Variants in GRK4 observed in about 807,000 individuals in gnomAD.
GRK4 encodes G protein-coupled receptor kinase 4.
GRK4 carries 73 observed loss-of-function variants against 77.9 expected under a neutral mutation model. That is an observed-to-expected ratio of 0.94 (90% confidence interval 0.78 to 1.14). GRK4 has a LOEUF of 1.14. Among genes scored for constraint, GRK4 ranks in the 50% most tolerant of loss-of-function variants. The pLI is 0.00. For missense variants in GRK4, 729 were observed against 700.2 expected, an observed-to-expected ratio of 1.04 and a Z score of -0.46; for synonymous variants, 257 against 254.4, an observed-to-expected ratio of 1.01 and a Z score of -0.10.
intron 3 of GRK4, among the ~76,000 whole-genome samples, chr4:2,990,917 G>A (rs1387852635): frequency 1.3e-5 from 2 of 152,150 alleles, no homozygotes; most frequent in Non-Finnish European, 2.9e-5. Context: ...CTCGTGATAG[G>A]TGATGACAGG....
intron 10 of GRK4, among the ~76,000 whole-genome samples, chr4:3,026,884 G>T (rs746202578): frequency 7.5e-4 from 114 of 152,296 alleles, no homozygotes; most frequent in Non-Finnish European, 1.4e-3. Flanking sequence ...AACATTTATT[G>T]GTTATTCATT....
intron 1 of GRK4, among the ~76,000 whole-genome samples, chr4:2,978,219 A>G (rs899453818): frequency 1.3e-5 from 2 of 152,268 alleles, no homozygotes; most frequent in Non-Finnish European, 2.9e-5. Context: ...TACTTTATGT[A>G]GAAGGTTCTT....
rs1478219385 is a variant in GRK4 at position 3,019,529 on chromosome 4, A to G, written c.742-112A>G. 5.5e-6 allele frequency: 5 copies of G among 911,900 alleles called. No homozygotes were observed. The South Asian group carries it at 6.5e-5, about 12-fold the overall frequency. The allele number at this position is 911,900 out of a possible 1,614,324, so 56.5% of individuals were successfully genotyped here. A position where few individuals can be genotyped will look rare whatever the true frequency, so the allele number is the denominator to read the frequency against. On this transcript the variant is annotated intron_variant, in intron 8 of 15. Coordinates refer to ENST00000398052, the MANE Select transcript of GRK4 (RefSeq NM_182982.3). ...TTTCTCTGAAACATATAGTATTCAC[A>G]TGTTCTGATTGTAAACCTAACACAG...
chr4:2,988,928 T>C (rs1262792099), intron 3 of GRK4, 89 bp downstream of exon 3: 1 of 792,738 alleles, frequency 1.3e-6, no homozygotes, highest in South Asian at 1.4e-5. Context: ...GCTCATGCTG[T>C]AATCCCAGCA....
At chr4:2,973,905 C>A (rs531059183) in intron 1 of GRK4, among the ~76,000 whole-genome samples, 2 of 152,224 alleles carry the variant, frequency 1.3e-5, no homozygotes, top group African/African-American at 4.8e-5. Context: ...CAACCTCATC[C>A]GCCCTCTCTC....
At chr4:3,008,977 C>T (rs909532638) in intron 6 of GRK4, among the ~76,000 whole-genome samples, 15 of 152,036 alleles carry the variant, frequency 9.9e-5, no homozygotes, top group African/African-American at 3.4e-4. Flanking sequence ...ATCTTCTTCA[C>T]CTGCTTTCTG....
chr4:3,019,704 G>A lies in GRK4; in HGVS notation c.805G>A (p.Gly269Arg). ...ALCLVLTIMN[G>R]GDLKFHIYNL... is the part of the protein sequence containing the mutation. The stretch of plus-strand genomic sequence containing the variant: ...GTGCTTGGTGCTCACCATTATGAAT[G>A]GAGGGGATTTGAAGTTTCACATTTA... Residue 269 changes from glycine (G) to arginine (R), a missense_variant, in exon 9 of 16, where the codon GGA (glycine) becomes AGA (arginine). Transcript: ENST00000398052. 2 of 1,614,228 alleles carry A rather than the reference G, an allele frequency of 1.2e-6. No individual in the cohort carries two copies. The highest frequency in any genetic ancestry group is 1.7e-6 in the Non-Finnish European group (2 of 1,180,038).
intron 1 of GRK4, among the ~76,000 whole-genome samples, chr4:2,976,306 A>G (rs917554150): frequency 1.3e-5 from 2 of 149,810 alleles, no homozygotes; most frequent in Non-Finnish European, 3.0e-5. Context: ...GTCATGGCTC[A>G]CTGCAGCCTT....
intron 1 of GRK4, among the ~76,000 whole-genome samples, chr4:2,964,444 C>T (rs773919564): frequency 6.6e-6 from 1 of 152,106 alleles, no homozygotes; most frequent in African/African-American, 2.4e-5. Flanking sequence ...CTTCAGGATG[C>T]GGCAGGCAGT....
chr4:3,030,359 C>T (rs1415465012), intron 12 of GRK4, among the ~76,000 whole-genome samples: 11 of 152,212 alleles, frequency 7.2e-5, no homozygotes. Flanking sequence ...ACTGCCCAGA[C>T]ACTCAATCAG....
chr4:2,978,343 C>G (rs1409522223), intron 1 of GRK4, among the ~76,000 whole-genome samples: 9 of 152,074 alleles, frequency 5.9e-5, no homozygotes, highest in Admixed American at 5.9e-4. Flanking sequence ...CTAATCGATT[C>G]TATTGTCAAT....
chr4:3,015,940 G>A (rs1002112910), intron 8 of GRK4, among the ~76,000 whole-genome samples: 5 of 148,038 alleles, frequency 3.4e-5, no homozygotes, highest in African/African-American at 5.0e-5. Context: ...ACAGAGTCTC[G>A]CACTGTCTCC....
Position 2,992,371 on chromosome 4 carries a change from C to T in GRK4, c.339+79C>T, listed in dbSNP as rs947470101. 46 of 953,442 alleles carry T rather than the reference C, an allele frequency of 4.8e-5. 2 individuals carry two copies. Among genetic ancestry groups the T allele is most frequent in the South Asian group, 3.6e-4 (27 of 75,170 alleles). 59.1% of individuals were successfully genotyped at this position (953,442 alleles called of 1,614,324 possible). On this transcript the variant is annotated intron_variant, in intron 4 of 15. Transcript: ENST00000398052. Reference sequence around the variant, plus strand: ...GCCATTTTTACTTTGTTAGATAAGACGTAACATATGTTAAAAGCTTTAATT... The same window carrying T: ...GCCATTTTTACTTTGTTAGATAAGATGTAACATATGTTAAAAGCTTTAATT...
At chr4:2,974,796 T>C (rs367665373) in intron 1 of GRK4, among the ~76,000 whole-genome samples, 13 of 152,356 alleles carry the variant, frequency 8.5e-5, no homozygotes, top group South Asian at 4.1e-4. Flanking sequence ...ACCTGTTTTA[T>C]ACATTGCTCT....
chr4:2,974,485 A>G (rs889800030), intron 1 of GRK4, among the ~76,000 whole-genome samples: 1 of 152,166 alleles, frequency 6.6e-6, no homozygotes. Flanking sequence ...CTTCAGTTTC[A>G]CTCAAAAACG....
intron 10 of GRK4, among the ~76,000 whole-genome samples, chr4:3,025,662 G>GAT (rs1181957897): frequency 1.3e-5 from 2 of 151,906 alleles, no homozygotes; most frequent in Non-Finnish European, 2.9e-5. Flanking sequence ...AAAGTGCTGG[G>GAT]ATTACAGGCT....
At chr4:2,985,772 G>T (rs1175733294) in intron 2 of GRK4, 3 of 296,606 alleles carry the variant, frequency 1.0e-5, no homozygotes, top group Non-Finnish European at 2.0e-5. Flanking sequence ...ACTGAGGTGG[G>T]CGGATCACGA....
chr4:3,035,683 A>G (rs1740429392), intron 13 of GRK4, among the ~76,000 whole-genome samples, 160 bp downstream of exon 13: 1 of 151,310 alleles, frequency 6.6e-6, no homozygotes, highest in Non-Finnish European at 1.5e-5. Context: ...TTGGCCTCCC[A>G]CAGTGCTGGG....
At chr4:3,009,767 C>A in intron 7 of GRK4, 56 bp downstream of exon 7, 1 of 1,322,984 alleles carries the variant, frequency 7.6e-7, no homozygotes, top group South Asian at 1.2e-5. Context: ...GGAGCAAGGT[C>A]CTGAGAACAT....
Sources: gnomAD v4.1 joint callset for allele counts (sites outside exome capture counted in the v4.1 genomes callset) on GRCh38, gnomAD v4.1.1 for gene constraint, MANE v1.5 for transcripts, NCBI Gene and HGNC (gene_info 2026-07-23, HGNC 2026-07-21) for gene names.